SLC9A9: variants seen among roughly 807,000 people sequenced by gnomAD.
SLC9A9 encodes the protein solute carrier family 9 member A9.
A neutral mutation model predicts 77.8 loss-of-function variants in SLC9A9; 62 were observed. That is an observed-to-expected ratio of 0.80 (90% CI 0.65 to 0.98). The LOEUF is 0.98. SLC9A9 is among the 50% of genes least tolerant of loss of function. The pLI is 0.00. For synonymous variants in SLC9A9, 320 were observed against 283.5 expected, an observed-to-expected ratio of 1.13 and a Z score of -1.29; for missense variants, 775 against 774.9, an observed-to-expected ratio of 1.00 and a Z score of 0.00.
At chr3:143,457,852 A>G (rs950209574) in intron 12 of SLC9A9, among the ~76,000 whole-genome samples, 4 of 152,178 alleles carry the variant, frequency 2.6e-5, no homozygotes, top group Admixed American at 2.0e-4. Flanking sequence ...AGGTTTTATG[A>G]CCTATGCTAT....
intron 9 of SLC9A9, among the ~76,000 whole-genome samples, chr3:143,536,397 G>A (rs1354240234): frequency 6.6e-6 from 1 of 152,138 alleles, no homozygotes; most frequent in Non-Finnish European, 1.5e-5. Context: ...GAGGGTCAAA[G>A]GTACTAATTT....
At chr3:143,447,840 C>A (rs2034873225) in intron 12 of SLC9A9, among the ~76,000 whole-genome samples, 1 of 152,176 alleles carries the variant, frequency 6.6e-6, no homozygotes, top group Admixed American at 6.6e-5. Context: ...TATGACAACA[C>A]ATCATAGGGC....
intron 12 of SLC9A9, among the ~76,000 whole-genome samples, chr3:143,384,836 A>T (rs2033386643): frequency 6.6e-6 from 1 of 152,222 alleles, no homozygotes; most frequent in South Asian, 2.1e-4. Context: ...GTCCTTGCCC[A>T]CACAGGGCAT....
At chr3:143,284,509 G>A (rs1938324317) in intron 14 of SLC9A9, among the ~76,000 whole-genome samples, 1 of 151,892 alleles carries the variant, frequency 6.6e-6, no homozygotes, top group Non-Finnish European at 1.5e-5. Context: ...ATTTTAGCAG[G>A]ATGGAGAATT....
At chr3:143,424,949 G>A (rs1257818205) in intron 12 of SLC9A9, among the ~76,000 whole-genome samples, 1 of 152,186 alleles carries the variant, frequency 6.6e-6, no homozygotes. Context: ...CAACCACACA[G>A]TACTTAATAG....
chr3:143,633,722 C>T (rs1016044871), intron 6 of SLC9A9, among the ~76,000 whole-genome samples: 2 of 152,150 alleles, frequency 1.3e-5, no homozygotes, highest in Admixed American at 1.3e-4. Context: ...TAGCTATACA[C>T]ACACAAGATC....
chr3:143,834,091 G>A (rs2009506386), intron 1 of SLC9A9, among the ~76,000 whole-genome samples: 1 of 152,210 alleles, frequency 6.6e-6, no homozygotes, highest in Admixed American at 6.5e-5. Flanking sequence ...TAATCAGAGT[G>A]AGGATGAGAA....
At chr3:143,441,314 C>A (rs1175651192) in intron 12 of SLC9A9, among the ~76,000 whole-genome samples, 3 of 152,106 alleles carry the variant, frequency 2.0e-5, no homozygotes, top group African/African-American at 7.2e-5. Flanking sequence ...GAATTTCAGG[C>A]CATGTGAAAA....
At chr3:143,800,611 C>G (rs1421183793) in intron 2 of SLC9A9, among the ~76,000 whole-genome samples, 1 of 152,214 alleles carries the variant, frequency 6.6e-6, no homozygotes, top group Non-Finnish European at 1.5e-5. Context: ...GACCCTGACA[C>G]CCATCAGTCC....
chr3:143,639,981 T>C (rs1034260199), intron 6 of SLC9A9, among the ~76,000 whole-genome samples: 2 of 151,962 alleles, frequency 1.3e-5, no homozygotes, highest in South Asian at 4.2e-4. Flanking sequence ...AGCATGGATA[T>C]TCTGGTCCCT....
intron 1 of SLC9A9, among the ~76,000 whole-genome samples, chr3:143,846,734 T>G (rs1346741108): frequency 8.5e-4 from 3 of 3,526 alleles, no homozygotes; most frequent in Non-Finnish European, 4.1e-3. Flanking sequence ...AAAAAAGGTT[T>G]TTTTTTTTTT....
intron 13 of SLC9A9, among the ~76,000 whole-genome samples, chr3:143,374,088 T>C (rs762099770): frequency 2.6e-5 from 4 of 151,962 alleles, no homozygotes; most frequent in Non-Finnish European, 4.4e-5. Flanking sequence ...GCATATTATG[T>C]TCCAGGAAAT....
intron 6 of SLC9A9, among the ~76,000 whole-genome samples, chr3:143,648,737 C>A (rs1023636933): frequency 6.6e-6 from 1 of 152,122 alleles, no homozygotes; most frequent in Non-Finnish European, 1.5e-5. Flanking sequence ...GACTTAGACC[C>A]GAACCAATAC....
chr3:143,618,716 C>A (rs1214032810), intron 6 of SLC9A9, among the ~76,000 whole-genome samples: 1 of 152,154 alleles, frequency 6.6e-6, no homozygotes, highest in Non-Finnish European at 1.5e-5. Flanking sequence ...CCTGATGAGC[C>A]TTCAAAGATA....
chr3:143,603,571 T>C (rs1240395526), intron 6 of SLC9A9, among the ~76,000 whole-genome samples: 5 of 152,194 alleles, frequency 3.3e-5, no homozygotes, highest in Admixed American at 6.5e-5. Flanking sequence ...TCAACAGCCA[T>C]ATGAGCAAGC....
chr3:143,777,617 T>C (rs796581716), intron 4 of SLC9A9, among the ~76,000 whole-genome samples: 1 of 152,274 alleles, frequency 6.6e-6, no homozygotes, highest in African/African-American at 2.4e-5. Flanking sequence ...AATCTTTGAA[T>C]TGGCCTCCCT....
intron 12 of SLC9A9, among the ~76,000 whole-genome samples, chr3:143,446,349 T>C (rs1436250209): frequency 6.6e-6 from 1 of 152,052 alleles, no homozygotes; most frequent in East Asian, 1.9e-4. Flanking sequence ...CTTCTGACTG[T>C]TTCTATTCTC....
At chr3:143,394,446 T>C (rs987500758) in intron 12 of SLC9A9, among the ~76,000 whole-genome samples, 3 of 152,156 alleles carry the variant, frequency 2.0e-5, no homozygotes, top group African/African-American at 7.2e-5. Context: ...ATTGATGGGA[T>C]GTATCTCAAA....
intron 5 of SLC9A9, among the ~76,000 whole-genome samples, chr3:143,674,624 A>C (rs76628647): frequency 0.031 from 4,702 of 152,252 alleles, 228 homozygotes; most frequent in African/African-American, 0.11. Flanking sequence ...AAGAGACATC[A>C]GAGCTGGTGG....
Sources: allele counts gnomAD v4.1 joint callset (sites outside exome capture counted in the v4.1 genomes callset), GRCh38; gene constraint gnomAD v4.1.1; transcripts MANE v1.5; gene names NCBI Gene and HGNC (gene_info 2026-07-23, HGNC 2026-07-21).